The following CEP128 variants were observed in gnomAD, a reference collection of about 807,000 sequenced individuals.
The protein encoded by CEP128 is centrosomal protein 128, also known as centrosomal protein 128kDa.
Under a neutral mutation model 156.7 loss-of-function variants are expected in CEP128, and 132 were observed. The ratio of observed to expected loss-of-function variants is 0.84; its 90% CI spans 0.73 to 0.97. The LOEUF (loss-of-function observed/expected upper bound fraction) is 0.97, where lower values mean the gene tolerates loss of function less well. Ranked by LOEUF, CEP128 falls within the 50% of genes least tolerant of loss-of-function variation. The pLI, the probability that CEP128 is intolerant of heterozygous loss-of-function variation, is 0.00. For synonymous variants in CEP128, 469 were observed against 448.9 expected (o/e 1.04, Z -0.57); for missense variants, 1,252 against 1,281.9 (o/e 0.98, Z 0.36).
At chr14:80,568,133 T>G (rs754572294) in intron 20 of CEP128, among the ~76,000 whole-genome samples, 8 of 152,172 alleles carry the variant, frequency 5.3e-5, no homozygotes, top group Non-Finnish European at 1.2e-4. Context: ...AAGGGTTGTG[T>G]ATCTGACTGC....
At chr14:80,884,733 G>A (rs1269685525) in intron 8 of CEP128, among the ~76,000 whole-genome samples, 1 of 152,198 alleles carries the variant, frequency 6.6e-6, no homozygotes, top group Non-Finnish European at 1.5e-5. Context: ...CTGGGCAGCT[G>A]TTTGGGCAGA....
intron 16 of CEP128, among the ~76,000 whole-genome samples, chr14:80,768,969 GCATT>G (rs1354511248): frequency 6.6e-6 from 1 of 152,122 alleles, no homozygotes; most frequent in Non-Finnish European, 1.5e-5. Flanking sequence ...GATACTTTAT[GCATT>G]CATTAAGTTT....
intron 9 of CEP128, among the ~76,000 whole-genome samples, chr14:80,859,522 A>G (rs1887406795): frequency 6.6e-6 from 1 of 152,002 alleles, no homozygotes; most frequent in South Asian, 2.1e-4. Flanking sequence ...CATTGTGCAC[A>G]TGTACCCTAA....
intron 8 of CEP128, among the ~76,000 whole-genome samples, chr14:80,892,384 T>C (rs939788354): frequency 2.6e-5 from 4 of 151,942 alleles, no homozygotes; most frequent in Non-Finnish European, 4.4e-5. Context: ...CCTTATACCA[T>C]ACATAAAGAT....
At chr14:80,769,738 CTT>C (rs1226556428) in intron 16 of CEP128, among the ~76,000 whole-genome samples, 1 of 152,102 alleles carries the variant, frequency 6.6e-6, no homozygotes, top group Non-Finnish European at 1.5e-5. Context: ...ACAAGCACCT[CTT>C]AGGTGTTTTT....
At chr14:80,690,417 A>C (rs1896680933) in intron 19 of CEP128, among the ~76,000 whole-genome samples, 1 of 140,306 alleles carries the variant, frequency 7.1e-6, no homozygotes, top group Non-Finnish European at 1.5e-5. Flanking sequence ...ACTCCATCTC[A>C]AAAAAAAAAA....
chr14:80,891,193 C>A (rs941388312), intron 8 of CEP128, among the ~76,000 whole-genome samples: 1 of 152,010 alleles, frequency 6.6e-6, no homozygotes, highest in South Asian at 2.1e-4. Context: ...TCCAGCAATC[C>A]CACTGCTAGG....
intron 18 of CEP128, among the ~76,000 whole-genome samples, chr14:80,748,600 G>A (rs1432665753): frequency 6.6e-6 from 1 of 152,174 alleles, no homozygotes; most frequent in Non-Finnish European, 1.5e-5. Context: ...TTCCTCACAT[G>A]TTATGGTTAA....
intron 18 of CEP128, among the ~76,000 whole-genome samples, chr14:80,754,774 T>A (rs2139655324): frequency 6.6e-6 from 1 of 152,300 alleles, no homozygotes; most frequent in East Asian, 1.9e-4. Context: ...TCTTGTTCAT[T>A]TTTTATGCCC....
intron 19 of CEP128, among the ~76,000 whole-genome samples, chr14:80,666,167 C>T (rs894649344): frequency 1.3e-5 from 2 of 152,098 alleles, no homozygotes; most frequent in African/African-American, 4.8e-5. Context: ...CAGGATAAAC[C>T]TCTAAGGAAT....
At chr14:80,606,310 C>T (rs913567960) in intron 19 of CEP128, among the ~76,000 whole-genome samples, 3 of 152,032 alleles carry the variant, frequency 2.0e-5, no homozygotes, top group Non-Finnish European at 2.9e-5. Flanking sequence ...GGTATTTTGC[C>T]TTTTTTGCTT....
At chr14:80,678,568 A>C (rs769470260) in intron 19 of CEP128, among the ~76,000 whole-genome samples, 15 of 152,224 alleles carry the variant, frequency 9.9e-5, no homozygotes, top group Non-Finnish European at 1.5e-4. Context: ...AGGATACCCC[A>C]GATCCAGGGG....
intron 14 of CEP128, among the ~76,000 whole-genome samples, chr14:80,788,766 A>G (rs1395752593): frequency 6.6e-6 from 1 of 152,014 alleles, no homozygotes; most frequent in Non-Finnish European, 1.5e-5. Flanking sequence ...AATTTAGGCT[A>G]TTTTACTTAT....
chr14:80,667,634 G>A (rs1279798942), intron 19 of CEP128, among the ~76,000 whole-genome samples: 6 of 152,024 alleles, frequency 3.9e-5, no homozygotes, highest in South Asian at 2.1e-4. Context: ...CAAGGCAGGC[G>A]GATCACGAGG....
intron 19 of CEP128, among the ~76,000 whole-genome samples, chr14:80,706,604 T>C (rs1309880004): frequency 6.6e-6 from 1 of 152,096 alleles, no homozygotes; most frequent in East Asian, 1.9e-4. Context: ...TATTCAAAAG[T>C]TTAATTATGA....
At chr14:80,760,586 C>T (rs1182086250) in intron 17 of CEP128, among the ~76,000 whole-genome samples, 1 of 151,996 alleles carries the variant, frequency 6.6e-6, no homozygotes, top group African/African-American at 2.4e-5. Flanking sequence ...AATGTGAATG[C>T]CATCATATCA....
At chr14:80,742,430 A>C (rs1399718427) in intron 19 of CEP128, among the ~76,000 whole-genome samples, 1 of 152,006 alleles carries the variant, frequency 6.6e-6, no homozygotes, top group Non-Finnish European at 1.5e-5. Context: ...TCCACTACCA[A>C]GGTGCTTCTT....
chr14:80,576,238 G>T (rs538149354), intron 20 of CEP128, among the ~76,000 whole-genome samples: 11 of 152,264 alleles, frequency 7.2e-5, no homozygotes, highest in Admixed American at 3.3e-4. Context: ...GGATTACCTT[G>T]TGTGTCTATT....
intron 8 of CEP128, among the ~76,000 whole-genome samples, chr14:80,871,314 G>T (rs1342051583): frequency 6.6e-6 from 1 of 152,120 alleles, no homozygotes; most frequent in Non-Finnish European, 1.5e-5. Context: ...AACTTCATTG[G>T]ATGCCACTGC....
Sources: gnomAD v4.1 joint callset for allele counts (sites outside exome capture counted in the v4.1 genomes callset) on GRCh38, gnomAD v4.1.1 for gene constraint, MANE v1.5 for transcripts, NCBI Gene and HGNC (gene_info 2026-07-23, HGNC 2026-07-21) for gene names.